NTRK2: variants seen among roughly 807,000 people sequenced by gnomAD.
The protein encoded by NTRK2 is BDNF/NT-3 growth factors receptor.
NTRK2 carries 13 observed loss-of-function variants against 94.5 expected under a neutral mutation model. The ratio of observed to expected loss-of-function variants is 0.14; its 90% CI spans 0.09 to 0.22. The LOEUF (loss-of-function observed/expected upper bound fraction) is 0.22. NTRK2 is among the 10% of genes least tolerant of loss of function. NTRK2 has a pLI of 1.00. For missense variants in NTRK2, 639 were observed against 1,071.2 expected (o/e 0.60, Z 5.63); for synonymous variants, 372 against 407.4 (o/e 0.91, Z 1.05).
intron 2 of NTRK2, among the ~76,000 whole-genome samples, chr9:84,675,107 C>T (rs1403895194): frequency 2.0e-5 from 3 of 152,056 alleles, no homozygotes; most frequent in African/African-American, 7.2e-5. Context: ...TCCCATAAAC[C>T]TCTGTTTGTG....
At chr9:84,813,287 C>A in intron 12 of NTRK2, 1 of 1,023,110 alleles carries the variant, frequency 9.8e-7, no homozygotes, top group African/African-American at 1.7e-5. Context: ...GGAATGGGAG[C>A]CTAGGTTTCC....
intron 17 of NTRK2, among the ~76,000 whole-genome samples, chr9:84,992,678 G>C (rs551426956): frequency 3.0e-4 from 45 of 152,120 alleles, no homozygotes; most frequent in African/African-American, 1.1e-3. Context: ...CTGCCTCATT[G>C]CTGCATCAAA....
chr9:84,795,440 G>A (rs971974204), intron 12 of NTRK2, among the ~76,000 whole-genome samples: 12 of 152,140 alleles, frequency 7.9e-5, no homozygotes, highest in African/African-American at 2.7e-4. Context: ...TGGGCTCTTG[G>A]GAAACGCGAG....
chr9:84,684,031 CT>C (rs531958201), intron 2 of NTRK2, among the ~76,000 whole-genome samples: 1,831 of 151,762 alleles, frequency 0.012, 34 homozygotes, highest in African/African-American at 0.042. Context: ...CCTTTGCCCA[CT>C]TTTTTTATGG....
At chr9:84,906,186 G>A (rs1421211399) in intron 14 of NTRK2, among the ~76,000 whole-genome samples, 1 of 151,986 alleles carries the variant, frequency 6.6e-6, no homozygotes, top group Non-Finnish European at 1.5e-5. Flanking sequence ...GTGTAAAGAG[G>A]AAAAAATAAG....
chr9:84,982,573 T>C (rs1827765000), intron 17 of NTRK2, among the ~76,000 whole-genome samples: 1 of 152,204 alleles, frequency 6.6e-6, no homozygotes, highest in South Asian at 2.1e-4. Flanking sequence ...TGATCTAAGG[T>C]CCATCTTATC....
intron 12 of NTRK2, among the ~76,000 whole-genome samples, chr9:84,830,710 A>G (rs2073489986): frequency 6.6e-6 from 1 of 152,202 alleles, no homozygotes; most frequent in African/African-American, 2.4e-5. Context: ...ATTTTTTTAA[A>G]AAAGTATTTT....
intron 14 of NTRK2, among the ~76,000 whole-genome samples, chr9:84,933,499 C>T (rs1341079519): frequency 1.3e-5 from 2 of 152,216 alleles, no homozygotes; most frequent in African/African-American, 2.4e-5. Context: ...GCTTTTGTCT[C>T]TTCTTGGCCT....
chr9:84,702,328 GA>G lies in NTRK2; in HGVS notation c.288-17del. 6.2e-7 allele frequency: 1 copy of G among 1,613,854 alleles called. No homozygotes were observed. Among genetic ancestry groups the G allele is most frequent in the Non-Finnish European group, 8.5e-7 (1 of 1,179,708 alleles). ...TTCACTGGTTCGTTCTAATGTGCAT[GA>G]AATTATGTGTTTTCACAGGACAATT... On this transcript the variant is annotated intron_variant, in intron 3 of 18. Transcript: ENST00000277120.
chr9:84,869,944 T>C (rs2075765105), intron 14 of NTRK2, among the ~76,000 whole-genome samples: 1 of 151,770 alleles, frequency 6.6e-6, no homozygotes, highest in Admixed American at 6.6e-5. Context: ...AAATAGACTT[T>C]GGACAAAAAA....
At chr9:84,897,801 C>G (rs1027578496) in intron 14 of NTRK2, among the ~76,000 whole-genome samples, 1 of 152,168 alleles carries the variant, frequency 6.6e-6, no homozygotes, top group Non-Finnish European at 1.5e-5. Flanking sequence ...TTGGTGAACT[C>G]CTTGTTGCAC....
At chr9:84,965,652 G>A (rs1468295587) in intron 17 of NTRK2, among the ~76,000 whole-genome samples, 2 of 152,198 alleles carry the variant, frequency 1.3e-5, no homozygotes, top group Admixed American at 6.5e-5. Flanking sequence ...AACTCCACAT[G>A]CCTCACAGAA....
chr9:84,850,631 C>T (rs2074718067), intron 12 of NTRK2, among the ~76,000 whole-genome samples: 1 of 152,146 alleles, frequency 6.6e-6, no homozygotes, highest in Admixed American at 6.5e-5. Context: ...ATTGCCCCAC[C>T]CAATAGAGAG....
At chr9:85,012,649 A>G (rs965981277) in intron 17 of NTRK2, among the ~76,000 whole-genome samples, 6 of 152,216 alleles carry the variant, frequency 3.9e-5, no homozygotes, top group Non-Finnish European at 8.8e-5. Context: ...GTAAAAGCAA[A>G]AAGTGTAGGC....
chr9:84,844,039 T>C (rs1432675738), intron 12 of NTRK2, among the ~76,000 whole-genome samples: 1 of 152,102 alleles, frequency 6.6e-6, no homozygotes, highest in Non-Finnish European at 1.5e-5. Flanking sequence ...AGAGGGGAGA[T>C]ACGAGAAGAA....
intron 17 of NTRK2, among the ~76,000 whole-genome samples, chr9:84,993,143 G>C (rs1008602108): frequency 6.6e-6 from 1 of 152,054 alleles, no homozygotes; most frequent in African/African-American, 2.4e-5. Flanking sequence ...CCTTCACAGG[G>C]AAAGGCTCAA....
chr9:84,897,422 A>C (rs1449566434), intron 14 of NTRK2, among the ~76,000 whole-genome samples: 1 of 152,216 alleles, frequency 6.6e-6, no homozygotes, highest in Non-Finnish European at 1.5e-5. Context: ...GGCGTGAGCC[A>C]CTGCACCTGG....
At chr9:84,861,297 G>C (rs1004481320) in intron 13 of NTRK2, among the ~76,000 whole-genome samples, 1 of 152,138 alleles carries the variant, frequency 6.6e-6, no homozygotes, top group East Asian at 1.9e-4. Context: ...TACATTTTTA[G>C]ATTTGACTCG....
At chr9:84,776,829 G>A (rs905324933) in intron 12 of NTRK2, among the ~76,000 whole-genome samples, 1 of 152,178 alleles carries the variant, frequency 6.6e-6, no homozygotes, top group African/African-American at 2.4e-5. Flanking sequence ...AAAATGGACA[G>A]TAATTATGCC....
Sources: allele counts gnomAD v4.1 joint callset (sites outside exome capture counted in the v4.1 genomes callset), GRCh38; gene constraint gnomAD v4.1.1; transcripts MANE v1.5; gene names NCBI Gene and HGNC (gene_info 2026-07-23, HGNC 2026-07-21).